STK32C: variants seen among roughly 807,000 people sequenced by gnomAD.
STK32C encodes serine/threonine kinase 32C.
Under a neutral mutation model 56.5 loss-of-function variants are expected in STK32C, and 31 were observed. The ratio of observed to expected loss-of-function variants is 0.55; its 90% confidence interval spans 0.41 to 0.74. The LOEUF (loss-of-function observed/expected upper bound fraction) is 0.74, where lower values mean the gene tolerates loss of function less well. Among genes scored for constraint, STK32C ranks in the 30% least tolerant of loss-of-function variants. The probability of loss-of-function intolerance (pLI) is 0.00; values close to 1 mark genes in which losing one functional copy is unlikely to be tolerated. For synonymous variants in STK32C, 309 were observed against 289.4 expected (o/e 1.07, Z -0.69); for missense variants, 544 against 676.9 (o/e 0.80, Z 2.18).
intron 10 of STK32C, among the ~76,000 whole-genome samples, chr10:132,220,275 G>A (rs1266667221): frequency 6.6e-6 from 1 of 152,252 alleles, no homozygotes; most frequent in Non-Finnish European, 1.5e-5. Context: ...CTGGGGGGAT[G>A]CGTCTAGGCC....
intron 1 of STK32C, among the ~76,000 whole-genome samples, chr10:132,279,937 A>ACCGTGACCACGCCCCTGCACC (rs1453663906): frequency 1.0e-4 from 10 of 98,176 alleles, no homozygotes; most frequent in South Asian, 3.7e-4. Flanking sequence ...AGGCCTCCAC[A>ACCGTGACCACGCCCCTGCACC]CCGTGACCAC....
chr10:132,221,275 TGATGCTGACGCACCTGGGCG>T (rs2062631821), intron 10 of STK32C, among the ~76,000 whole-genome samples: 2 of 139,102 alleles, frequency 1.4e-5, no homozygotes, highest in African/African-American at 5.5e-5. Flanking sequence ...CACACACAAC[TGATGCTGACGCACCTGGGCG>T]AGTGTGAGGG....
At chr10:132,229,751 C>G (rs1032432686) in intron 2 of STK32C, among the ~76,000 whole-genome samples, 5 of 152,234 alleles carry the variant, frequency 3.3e-5, no homozygotes, top group African/African-American at 1.2e-4. Context: ...AGCGGTGACC[C>G]TCCCTCCCGC....
At chr10:132,212,240 C>T (rs922974630) in intron 10 of STK32C, among the ~76,000 whole-genome samples, 3 of 152,108 alleles carry the variant, frequency 2.0e-5, no homozygotes, top group Non-Finnish European at 2.9e-5. Context: ...GCAGTCCCGG[C>T]GCAGGGCAGA....
intron 1 of STK32C, among the ~76,000 whole-genome samples, chr10:132,274,975 G>C (rs772006699): frequency 2.6e-5 from 4 of 152,222 alleles, no homozygotes; most frequent in Non-Finnish European, 5.9e-5. Flanking sequence ...AGCCGGGACA[G>C]GGACCGAGAA....
intron 6 of STK32C, 79 bp downstream of exon 6, chr10:132,225,448 G>C: frequency 6.3e-7 from 1 of 1,597,222 alleles, no homozygotes; most frequent in Non-Finnish European, 8.6e-7. Context: ...CTCCAGGGTG[G>C]GACAGAGAAG....
At chr10:132,223,040 A>G in intron 8 of STK32C, 54 bp from the exon 9 acceptor site, 1 of 1,522,166 alleles carries the variant, frequency 6.6e-7, no homozygotes, top group Non-Finnish European at 8.8e-7. Context: ...CCAGCACGGA[A>G]TAGCCCGCCA....
upstream of STK32C, among the ~76,000 whole-genome samples, chr10:132,309,297 A>G (rs894458222): frequency 1.3e-5 from 2 of 152,116 alleles, no homozygotes. Context: ...TGGGGACTAT[A>G]AGGAATGGAA....
intron 1 of STK32C, among the ~76,000 whole-genome samples, chr10:132,277,277 G>A (rs2065021721): frequency 6.6e-6 from 1 of 152,168 alleles, no homozygotes; most frequent in Non-Finnish European, 1.5e-5. Context: ...AGAGAGCCAG[G>A]GAGGACACCA....
chr10:132,226,003 G>A (rs999427440), intron 4 of STK32C, among the ~76,000 whole-genome samples: 3 of 152,226 alleles, frequency 2.0e-5, no homozygotes, highest in African/African-American at 4.8e-5. Flanking sequence ...TGGCATCTGG[G>A]CAGCAGCACA....
At chr10:132,329,989 G>A (rs2066608136) in intron 1 of STK32C, among the ~76,000 whole-genome samples, 1 of 152,120 alleles carries the variant, frequency 6.6e-6, no homozygotes, top group Non-Finnish European at 1.5e-5. Flanking sequence ...GCTGCCCGGA[G>A]GAAGGTCCTA....
intron 1 of STK32C, among the ~76,000 whole-genome samples, chr10:132,304,341 C>G (rs560795299): frequency 6.6e-6 from 1 of 152,300 alleles, no homozygotes; most frequent in South Asian, 2.1e-4. Flanking sequence ...ACCAAACCCC[C>G]CCAGTTCACC....
intron 1 of STK32C, among the ~76,000 whole-genome samples, chr10:132,304,435 G>A (rs1039604243): frequency 6.6e-6 from 1 of 152,196 alleles, no homozygotes; most frequent in African/African-American, 2.4e-5. Context: ...CTGGGGCTGA[G>A]AACTGTTGTA....
At chr10:132,296,436 G>T (rs1375585076) in intron 1 of STK32C, among the ~76,000 whole-genome samples, 1 of 152,084 alleles carries the variant, frequency 6.6e-6, no homozygotes, top group Non-Finnish European at 1.5e-5. Flanking sequence ...AGACGGTGAC[G>T]TAAGGGGAAA....
chr10:132,245,365 C>G (rs1226926267), intron 2 of STK32C, among the ~76,000 whole-genome samples: 1 of 152,212 alleles, frequency 6.6e-6, no homozygotes, highest in Non-Finnish European at 1.5e-5. Context: ...TAATTACCCC[C>G]AATCTCTAGA....
chr10:132,251,112 A>G (rs1434810387), intron 1 of STK32C, among the ~76,000 whole-genome samples: 4 of 152,118 alleles, frequency 2.6e-5, no homozygotes, highest in Non-Finnish European at 4.4e-5. Context: ...TCTGCCTCCT[A>G]TCTGCCACAG....
At chr10:132,220,911 G>A (rs943209696) in intron 10 of STK32C, among the ~76,000 whole-genome samples, 2 of 152,206 alleles carry the variant, frequency 1.3e-5, no homozygotes, top group African/African-American at 4.8e-5. Context: ...AACTGCCCAA[G>A]GGGTTCACCT....
chr10:132,271,752 C>T (rs1041969332), intron 1 of STK32C, among the ~76,000 whole-genome samples: 8 of 152,208 alleles, frequency 5.3e-5, no homozygotes, highest in Non-Finnish European at 8.8e-5. Flanking sequence ...CTCGCGCCCT[C>T]CCCGACACCC....
At chr10:132,322,683 A>C (rs974318844), downstream of STK32C, among the ~76,000 whole-genome samples, 1 of 152,196 alleles carries the variant, frequency 6.6e-6, no homozygotes. Context: ...GGAATTACTA[A>C]GCCCTTCCCA....
Sources: allele counts gnomAD v4.1 joint callset (sites outside exome capture counted in the v4.1 genomes callset), GRCh38; gene constraint gnomAD v4.1.1; transcripts MANE v1.5; gene names NCBI Gene and HGNC (gene_info 2026-07-23, HGNC 2026-07-21).